The following NACC1 variants were observed in gnomAD, a reference collection of about 807,000 sequenced individuals.
NACC1 encodes the protein nucleus accumbens-associated protein 1.
NACC1 carries 6 observed loss-of-function variants against 41.7 expected under a neutral mutation model. The ratio of observed to expected loss-of-function variants is 0.14; its 90% CI spans 0.08 to 0.28. The LOEUF (loss-of-function observed/expected upper bound fraction) is 0.28, where lower values mean the gene tolerates loss of function less well. NACC1 is among the 10% of genes least tolerant of loss of function. The pLI is 1.00. For synonymous variants in NACC1, 338 were observed against 330.6 expected, an observed-to-expected ratio of 1.02 and a Z score of -0.24; for missense variants, 434 against 763.7, an observed-to-expected ratio of 0.57 and a Z score of 5.09.
intron 1 of NACC1, among the ~76,000 whole-genome samples, chr19:13,128,983 C>T (rs941588329): frequency 4.6e-5 from 7 of 152,170 alleles, no homozygotes; most frequent in Non-Finnish European, 8.8e-5. Flanking sequence ...AGAGATGATT[C>T]TCATATGGTT....
Position 13,138,198 on chromosome 19 carries a change from T to A in NACC1, c.1376T>A (p.Ile459Asn). ...TTCAAGGAGAGCGAGATGAATGCCA[T>A]CGCGGCCGACATGTGCACCAACGCC... ...PNFKESEMNA[I>N]AADMCTNARR... is the part of the protein sequence containing the mutation. Residue 459 changes from isoleucine (I) to asparagine (N), a missense_variant, in exon 6 of 6, where the codon ATC becomes AAC. Around this residue, in one of 4 missense-constraint regions of NACC1, gnomAD observed 70 missense variants for 206.9 expected, o/e 0.34. Transcript: ENST00000292431. This position sits in a 1 kb window ranked among gnomAD's most constrained non-coding sequence, Gnocchi z 5.7. The A allele has an allele frequency of 6.2e-7, 1 of 1,614,114 alleles. No individual in the cohort carries two copies. The highest frequency in any genetic ancestry group is 8.5e-7 in the Non-Finnish European group (1 of 1,180,020).
chr19:13,123,320 G>C (rs546063735), intron 1 of NACC1, among the ~76,000 whole-genome samples: 1 of 152,324 alleles, frequency 6.6e-6, no homozygotes, highest in East Asian at 1.9e-4. Flanking sequence ...TGGAGTTGGT[G>C]GGGAGGGAGC....
intron 1 of NACC1, among the ~76,000 whole-genome samples, chr19:13,120,252 C>A (rs925881384): frequency 1.3e-5 from 2 of 152,060 alleles, no homozygotes; most frequent in African/African-American, 4.8e-5. Context: ...GTGGGCTGAC[C>A]GTGGGAAGCT....
Position 13,140,881 on chromosome 19 carries a change from A to G in NACC1, c.*2475A>G, listed in dbSNP as rs2019782339. 1 of 152,692 alleles carries G rather than the reference A, an allele frequency of 6.5e-6. No homozygotes were observed. Among genetic ancestry groups the G allele is most frequent in the East Asian group, 1.9e-4 (1 of 5,170 alleles). 9.5% of individuals were successfully genotyped at this position (152,692 alleles called of 1,614,324 possible). On this transcript the variant is annotated 3_prime_UTR_variant, in exon 6 of 6. Transcript: ENST00000292431. The surrounding 1 kb of genome is among the most constrained non-coding windows in gnomAD (Gnocchi z 4.0). ...ATGGAGAATCACCAACCACCAGAGA[A>G]AAAAGACTGTGGGGCCCTCCCCTGC... is the stretch of plus-strand genomic sequence containing the variant.
Position 13,137,527 on chromosome 19 carries a change from G to A in NACC1, c.1276G>A (p.Asp426Asn). ...CGTGIRSSTN[D>N]PRRKPLDSRV... ...CACCGGCATCCGCTCTTCTACCAACGATCCCCGTCGGAAGCCCCTGGACAG... is the reference window on the plus strand; with the variant it reads ...CACCGGCATCCGCTCTTCTACCAACAATCCCCGTCGGAAGCCCCTGGACAG... Residue 426 changes from aspartate (D) to asparagine (N), a missense_variant, in exon 5 of 6, where the codon GAT becomes AAT. Transcript: ENST00000292431. This position sits in a 1 kb window ranked among gnomAD's most constrained non-coding sequence, Gnocchi z 6.1. 2 of 1,579,550 alleles carry A rather than the reference G, an allele frequency of 1.3e-6. No individual in the cohort carries two copies. The highest frequency in any genetic ancestry group is 1.7e-6 in the Non-Finnish European group (2 of 1,161,952).
chr19:13,122,116 G>A (rs775182375), intron 1 of NACC1, among the ~76,000 whole-genome samples: 16 of 152,304 alleles, frequency 1.1e-4, no homozygotes, highest in Admixed American at 4.6e-4. Context: ...CAGCCGAGCC[G>A]GCAGAGGTGA....
Position 13,136,925 on chromosome 19 carries a change from CCT to C in NACC1, c.1121-345_1121-344del, listed in dbSNP as rs2019715404. Among the ~76,000 whole-genome samples the C allele has an allele frequency of 6.6e-6, 1 of 152,142 alleles. No homozygotes were observed. ...AGTGCCTAGGTGTGAGCCTCCACTC[CCT>C]GTTGGTCCTGCTGAGCTTGGGCTCA... On this transcript the variant is annotated intron_variant, in intron 3 of 5. Transcript: ENST00000292431. This position sits in a 1 kb window ranked among gnomAD's most constrained non-coding sequence, Gnocchi z 5.5.
intron 1 of NACC1, chr19:13,131,814 G>A (rs1346040380): frequency 1.3e-5 from 2 of 152,192 alleles, no homozygotes; most frequent in Non-Finnish European, 2.9e-5. Context: ...CTTTTTGCAT[G>A]TAAGTGGTAG....
chr19:13,126,938 A>C (rs1044201043), intron 1 of NACC1, among the ~76,000 whole-genome samples: 67 of 151,814 alleles, frequency 4.4e-4, no homozygotes, highest in South Asian at 1.8e-3. Context: ...ATGAAGCCCC[A>C]AAAAATGCCC....
chr19:13,130,535 C>CTTTTTTTTTTTT (rs34032574), intron 1 of NACC1, among the ~76,000 whole-genome samples: 4 of 128,602 alleles, frequency 3.1e-5, no homozygotes, highest in African/African-American at 5.7e-5. Flanking sequence ...TTTTTCTTTT[C>CTTTTTTTTTTTT]TTTTTTTTTT....
intron 1 of NACC1, among the ~76,000 whole-genome samples, chr19:13,130,572 G>A (rs184953054): frequency 5.9e-4 from 70 of 119,394 alleles, no homozygotes; most frequent in African/African-American, 2.3e-3. Context: ...GTATCACTCT[G>A]TTGCCCAGGC....
rs1303047474 is a variant in NACC1, at chr19:13,138,455, A to G, written c.*49A>G. ...ACACACTTCCCCTCCCAACACACAC[A>G]CACACCTGCCATCTTGGTCATGAGC... On this transcript the variant is annotated 3_prime_UTR_variant, in exon 6 of 6. Transcript: ENST00000292431. The surrounding 1 kb of genome is among the most constrained non-coding windows in gnomAD (Gnocchi z 5.7). The G allele has an allele frequency of 1.3e-6, 2 of 1,589,876 alleles. No individual in the cohort carries two copies. Among genetic ancestry groups the G allele is most frequent in the Non-Finnish European group, 1.7e-6 (2 of 1,172,634 alleles).
At chr19:13,128,519 C>T (rs914952802) in intron 1 of NACC1, among the ~76,000 whole-genome samples, 4 of 152,204 alleles carry the variant, frequency 2.6e-5, no homozygotes, top group Non-Finnish European at 1.5e-5. Context: ...GAGGGACATA[C>T]TTTGTCCATA....
chr19:13,120,312 T>C (rs2019472597), intron 1 of NACC1, among the ~76,000 whole-genome samples: 1 of 152,218 alleles, frequency 6.6e-6, no homozygotes, highest in African/African-American at 2.4e-5. Context: ...TTGCCTAGAC[T>C]GTTTTTGCCC....
rs1432490210 is a variant in NACC1 at position 13,131,896 on chromosome 19, G to GT, written c.-8-3302dup. The GT allele has an allele frequency of 3.3e-5, 5 of 152,276 alleles. No homozygotes were observed. In the East Asian group the frequency reaches 7.8e-4, roughly 24 times the overall value. The allele number at this position is 152,276 out of a possible 1,614,324, so 9.4% of individuals were successfully genotyped here. A position where few individuals can be genotyped will look rare whatever the true frequency, so the allele number is the denominator to read the frequency against. On this transcript the variant is annotated intron_variant, in intron 1 of 5. Transcript: ENST00000292431. ...TTGTTTTGAGACATAGTCTCACTCT[G>GT]TTGCCCAGGCTAGAGTGCAATGGCA...
chr19:13,122,352 T>C (rs778938965), intron 1 of NACC1, among the ~76,000 whole-genome samples: 1 of 152,148 alleles, frequency 6.6e-6, no homozygotes, highest in Non-Finnish European at 1.5e-5. Flanking sequence ...GCACCACCCC[T>C]GTCTCAGCCA....
rs2145624427 is a variant in NACC1 at position 13,136,283 on chromosome 19, G to A, written c.998G>A (p.Arg333His). The A allele has an allele frequency of 1.9e-6, 3 of 1,614,036 alleles. No homozygotes were observed. The highest frequency in any genetic ancestry group is 1.7e-6 in the Non-Finnish European group (2 of 1,179,960). ...CAGGTAGCCCCCGAGTCCCGAAATC[G>A]CATCCGGGTTCGGCAAGACCTGGCG... ...PEQVAPESRN[R>H]IRVRQDLASL... The change falls in exon 3 of 6, where the codon CGC (arginine) becomes CAC (histidine). Residue 333 changes from arginine (R) to histidine (H), a missense_variant. Around this residue, in one of 4 missense-constraint regions of NACC1, gnomAD observed 234 missense variants for 308.3 expected, o/e 0.76. Coordinates refer to ENST00000292431, the MANE Select transcript of NACC1 (RefSeq NM_052876.4). This position sits in a 1 kb window ranked among gnomAD's most constrained non-coding sequence, Gnocchi z 5.5.
intron 1 of NACC1, among the ~76,000 whole-genome samples, chr19:13,130,394 T>A (rs1021613183): frequency 1.3e-5 from 2 of 151,404 alleles, no homozygotes; most frequent in Non-Finnish European, 1.5e-5. Context: ...CACTGTTCTT[T>A]AACACATTTA....
upstream of NACC1, chr19:13,117,352 T>C (rs1005070860): frequency 6.6e-6 from 1 of 152,162 alleles, no homozygotes; most frequent in Non-Finnish European, 1.5e-5. Context: ...TTTTTTACCA[T>C]TTGTTACTGG....
Sources: allele counts gnomAD v4.1 joint callset (sites outside exome capture counted in the v4.1 genomes callset), GRCh38; gene constraint gnomAD v4.1.1; regional missense constraint gnomAD v4.1.1; non-coding constraint Gnocchi (gnomAD v3.1); transcripts MANE v1.5; gene names NCBI Gene and HGNC (gene_info 2026-07-23, HGNC 2026-07-21).